CREBBP: variants seen among roughly 807,000 people sequenced by gnomAD.
The protein encoded by CREBBP is CREB-binding protein.
CREBBP carries 19 observed loss-of-function variants against 265.0 expected under a neutral mutation model. The ratio of observed to expected loss-of-function variants is 0.07; its 90% confidence interval spans 0.05 to 0.11. CREBBP has a LOEUF of 0.11. Among genes scored for constraint, CREBBP ranks in the 10% least tolerant of loss-of-function variants. The pLI, the probability that CREBBP is intolerant of heterozygous loss-of-function variation, is 1.00. For missense variants in CREBBP, 2,525 were observed against 3,219.0 expected (o/e 0.78, Z 5.22); for synonymous variants, 1,457 against 1,223.7 (o/e 1.19, Z -3.98).
At chr16:3,790,174 AG>A (rs2053473911) in intron 5 of CREBBP, among the ~76,000 whole-genome samples, 1 of 152,194 alleles carries the variant, frequency 6.6e-6, no homozygotes, top group Non-Finnish European at 1.5e-5. Context: ...AATATACTAA[AG>A]AAAAAACTTT....
intron 18 of CREBBP, among the ~76,000 whole-genome samples, 160 bp from the exon 19 acceptor site, chr16:3,757,536 G>A (rs562747361): frequency 1.3e-5 from 2 of 152,270 alleles, no homozygotes; most frequent in Admixed American, 6.5e-5. Context: ...GGGATAGCAT[G>A]TGATAGAACT....
chr16:3,750,740 A>G (rs2052453698), intron 20 of CREBBP, among the ~76,000 whole-genome samples: 1 of 152,246 alleles, frequency 6.6e-6, no homozygotes, highest in African/African-American at 2.4e-5. Context: ...TAGTGAAGGA[A>G]GGAAACACAT....
intron 28 of CREBBP, among the ~76,000 whole-genome samples, chr16:3,733,086 G>A (rs2051959656): frequency 6.6e-6 from 1 of 152,050 alleles, no homozygotes; most frequent in Non-Finnish European, 1.5e-5. Context: ...AATCCAGCCG[G>A]GCGGGGTGGC....
Position 3,725,845 on chromosome 16 carries a change from C to T in CREBBP, c.*1873G>A. On this transcript the variant is annotated 3_prime_UTR_variant, in exon 31 of 31. Coordinates refer to ENST00000262367, the MANE Select transcript of CREBBP (RefSeq NM_004380.3). ...ATTTCTAAAATTACCATCACCCCCA[C>T]CTAGACCAGCCTTTGTTGGGGGACT... The T allele has an allele frequency of 4.3e-6, 1 of 233,198 alleles. No homozygotes were observed. Among genetic ancestry groups the T allele is most frequent in the Non-Finnish European group, 8.5e-6 (1 of 118,012 alleles). The allele number at this position is 233,198 out of a possible 1,614,324, so 14.4% of individuals were successfully genotyped here. A position where few individuals can be genotyped will look rare whatever the true frequency, so the allele number is the denominator to read the frequency against.
intron 16 of CREBBP, among the ~76,000 whole-genome samples, chr16:3,762,962 G>A (rs926219936): frequency 6.6e-6 from 1 of 151,870 alleles, no homozygotes; most frequent in African/African-American, 2.4e-5. Flanking sequence ...TTTTAGTAGA[G>A]ACAGGGTTTC....
chr16:3,758,468 A>G (rs1472156923), intron 17 of CREBBP, among the ~76,000 whole-genome samples: 1 of 152,228 alleles, frequency 6.6e-6, no homozygotes, highest in Non-Finnish European at 1.5e-5. Flanking sequence ...AATGACTGCT[A>G]CATAGAATCG....
chr16:3,837,300 C>T (rs546512635), intron 2 of CREBBP, among the ~76,000 whole-genome samples: 1 of 152,236 alleles, frequency 6.6e-6, no homozygotes, highest in African/African-American at 2.4e-5. Context: ...TATGTTTTAG[C>T]TTTTAACAAA....
Position 3,725,372 on chromosome 16 carries a change from C to G in CREBBP, c.*2346G>C. 1 of 233,346 alleles carries G rather than the reference C, an allele frequency of 4.3e-6. No homozygotes were observed. The highest frequency in any genetic ancestry group is 8.5e-6 in the Non-Finnish European group (1 of 118,052). 14.5% of individuals were successfully genotyped at this position (233,346 alleles called of 1,614,324 possible). ...ATAACCTGAAACAGAGGCCCCTCCA[C>G]TGCCCACATTAAAAGGCTGCACAAC... On this transcript the variant is annotated 3_prime_UTR_variant, in exon 31 of 31. Transcript: ENST00000262367.
intron 2 of CREBBP, among the ~76,000 whole-genome samples, chr16:3,846,193 A>AT (rs1427194258): frequency 1.3e-5 from 2 of 152,224 alleles, no homozygotes; most frequent in African/African-American, 2.4e-5. Flanking sequence ...CAAGAGACAA[A>AT]TGGACAAAGA....
chr16:3,741,060 C>A (rs1168888705), intron 23 of CREBBP: 2 of 212,726 alleles, frequency 9.4e-6, no homozygotes, highest in Non-Finnish European at 1.9e-5. Context: ...GTATTGGTGT[C>A]CAAGCCTGCC....
intron 2 of CREBBP, among the ~76,000 whole-genome samples, chr16:3,815,337 C>T (rs1016030394): frequency 1.3e-5 from 2 of 151,888 alleles, no homozygotes; most frequent in African/African-American, 4.8e-5. Context: ...GTCAGCAGTT[C>T]GAGACCAGCC....
intron 2 of CREBBP, among the ~76,000 whole-genome samples, chr16:3,837,256 A>AGT (rs150505279): frequency 0.029 from 4,470 of 152,150 alleles, 82 homozygotes; most frequent in Middle Eastern, 0.044. Context: ...GGCTTAGGCT[A>AGT]GTGTGTGTGT....
intron 5 of CREBBP, among the ~76,000 whole-genome samples, chr16:3,786,639 AAC>A (rs1477399618): frequency 3.3e-5 from 5 of 152,150 alleles, no homozygotes; most frequent in Non-Finnish European, 7.4e-5. Context: ...GCAGGCCAGA[AAC>A]ACAGTGCTTG....
At chr16:3,864,348 CA>C (rs1316469434) in intron 1 of CREBBP, among the ~76,000 whole-genome samples, 1 of 152,116 alleles carries the variant, frequency 6.6e-6, no homozygotes, top group East Asian at 1.9e-4. Flanking sequence ...GCCTTAAGTC[CA>C]AAAAGTATGC....
intron 3 of CREBBP, among the ~76,000 whole-genome samples, chr16:3,802,114 A>ACTTTTTTT (rs2053726332): frequency 2.0e-5 from 1 of 50,556 alleles, no homozygotes; most frequent in African/African-American, 9.3e-5. Flanking sequence ...GTATTCCTTA[A>ACTTTTTTT]TTTTTTTTTT....
intron 2 of CREBBP, among the ~76,000 whole-genome samples, chr16:3,831,757 G>A (rs1377595037): frequency 6.6e-6 from 1 of 152,194 alleles, no homozygotes; most frequent in Non-Finnish European, 1.5e-5. Flanking sequence ...AGCACTTTGG[G>A]AGGCTGAGGC....
intron 23 of CREBBP, among the ~76,000 whole-genome samples, 157 bp downstream of exon 23, chr16:3,744,737 C>T (rs1275812910): frequency 6.6e-6 from 1 of 152,110 alleles, no homozygotes; most frequent in Non-Finnish European, 1.5e-5. Flanking sequence ...AAGGATGAGA[C>T]AAGAAAAATA....
chr16:3,861,736 C>A (rs925125457), intron 1 of CREBBP, among the ~76,000 whole-genome samples: 1 of 143,724 alleles, frequency 7.0e-6, no homozygotes, highest in Non-Finnish European at 1.5e-5. Context: ...GGCATTTAAA[C>A]AAGTTCCCAA....
chr16:3,742,696 T>A (rs2052246383), intron 23 of CREBBP: 1 of 152,154 alleles, frequency 6.6e-6, no homozygotes, highest in Non-Finnish European at 1.5e-5. Flanking sequence ...GGAGATGGTT[T>A]TCAATGCAAG....
Sources: allele counts gnomAD v4.1 joint callset (sites outside exome capture counted in the v4.1 genomes callset), GRCh38; gene constraint gnomAD v4.1.1; transcripts MANE v1.5; gene names NCBI Gene and HGNC (gene_info 2026-07-23, HGNC 2026-07-21).